SUV39H1: variants seen among roughly 807,000 people sequenced by gnomAD.
SUV39H1 encodes the protein histone-lysine N-methyltransferase SUV39H1.
For synonymous variants in SUV39H1, 141 were observed against 150.5 expected, an observed-to-expected ratio of 0.94 and a Z score of 0.46; for missense variants, 180 against 386.3, an observed-to-expected ratio of 0.47 and a Z score of 4.48.
At chrX:48,706,649 G>T (rs781827609) in intron 5 of SUV39H1, 22 bp downstream of exon 5, 3 of 1,186,691 alleles carry the variant, frequency 2.5e-6, no homozygotes, top group Non-Finnish European at 3.4e-6. Context: ...AAGGGACTGG[G>T]GGCAGGGGCG....
intron 3 of SUV39H1, among the ~76,000 whole-genome samples, chrX:48,702,730 T>C (rs1297210577): frequency 1.8e-5 from 2 of 110,889 alleles, no homozygotes; most frequent in African/African-American, 6.6e-5. Flanking sequence ...TCTTCCTTAG[T>C]GTCAGTGTCT....
At chrX:48,696,292 G>A (rs2062454508), upstream of SUV39H1, among the ~76,000 whole-genome samples, 1 of 112,631 alleles carries the variant, frequency 8.9e-6, no homozygotes, top group Non-Finnish European at 1.9e-5. Flanking sequence ...TGACTGCCCA[G>A]CAGTGTGGAT....
chrX:48,704,530 T>C (rs1445440266), intron 3 of SUV39H1, among the ~76,000 whole-genome samples: 1 of 111,382 alleles, frequency 9.0e-6, no homozygotes, highest in African/African-American at 3.3e-5. Context: ...CCCATCTGTT[T>C]GAGCTGATGC....
At chrX:48,696,037 C>T (rs2062453424), upstream of SUV39H1, among the ~76,000 whole-genome samples, 1 of 113,362 alleles carries the variant, frequency 8.8e-6, no homozygotes, top group Non-Finnish European at 1.9e-5. Flanking sequence ...ACAGTGACAG[C>T]TTGTCCCGAC....
At chrX:48,696,704 C>T, upstream of SUV39H1, 1 of 1,106,788 alleles carries the variant, frequency 9.0e-7, no homozygotes, top group Non-Finnish European at 1.2e-6. Context: ...GGCCAATAGG[C>T]TGCGCGTTCC....
chrX:48,700,867 G>A (rs1569494974), intron 3 of SUV39H1, 114 bp downstream of exon 3: 2 of 935,443 alleles, frequency 2.1e-6, no homozygotes, highest in Non-Finnish European at 3.0e-6. Context: ...TATGGGAAAG[G>A]CCTGGGAGAC....
rs781896040 is a variant in SUV39H1 at position 48,698,890 on chromosome X, C to G, written c.20-12C>G. 1 of 1,204,132 alleles carries G rather than the reference C, an allele frequency of 8.3e-7. No individual in the cohort carries two copies. Among genetic ancestry groups the G allele is most frequent in the Non-Finnish European group, 1.1e-6 (1 of 892,681 alleles). On this transcript the variant is annotated splice_polypyrimidine_tract_variant and intron_variant, in intron 1 of 5. Transcript: ENST00000376687. ...TGCCCAGTAATAGTTCTTTCTGCCC[C>G]GCTTGATCCAGGCTGCAGCGTGTGT...
In SUV39H1 at chrX:48,697,380, G is replaced by T. The variant is rs189891952; in HGVS notation, c.19+577G>T. On this transcript the variant is annotated intron_variant, in intron 1 of 5. Coordinates refer to ENST00000376687, the MANE Select transcript of SUV39H1 (RefSeq NM_003173.4). ...AGGGGTGACTCAGTTATGTTGGGGG[G>T]CCCCTCTATGTGACGAAAGCCGCAG... Among the ~76,000 whole-genome samples, 54 of 111,748 alleles carry T rather than the reference G, an allele frequency of 4.8e-4. 1 individual carries two copies. Among genetic ancestry groups the T allele is most frequent in the African/African-American group, 1.7e-3 (52 of 30,758 alleles).
chrX:48,707,697 T>C lies in SUV39H1; in HGVS notation c.*127T>C, dbSNP rs1602189130. ...GCCTCCACCTGCCCCCACCTGCTCCTACCTGCTCTACGTTCAGGGCTGTGG... is the reference window on the plus strand; with the variant it reads ...GCCTCCACCTGCCCCCACCTGCTCCCACCTGCTCTACGTTCAGGGCTGTGG... On this transcript the variant is annotated 3_prime_UTR_variant, in exon 6 of 6. Coordinates refer to ENST00000376687, the MANE Select transcript of SUV39H1 (RefSeq NM_003173.4). 4 of 856,509 alleles carry C rather than the reference T, an allele frequency of 4.7e-6. No individual in the cohort carries two copies. The highest frequency in any genetic ancestry group is 6.7e-6 in the Non-Finnish European group (4 of 593,000). The allele number at this position is 856,509 out of a possible 1,213,427, so 70.6% of individuals were successfully genotyped here. A position where few individuals can be genotyped will look rare whatever the true frequency, so the allele number is the denominator to read the frequency against.
chrX:48,700,059 G>GTA (rs1557009177), intron 2 of SUV39H1, 32 bp from the exon 3 acceptor site: 1 of 1,112,456 alleles, frequency 9.0e-7, no homozygotes, highest in African/African-American at 1.8e-5. Context: ...CACTACTTAC[G>GTA]GTACCCCCGT....
At chrX:48,706,666 G>T in intron 5 of SUV39H1, 39 bp downstream of exon 5, 1 of 1,167,853 alleles carries the variant, frequency 8.6e-7, no homozygotes, top group South Asian at 2.0e-5. Context: ...GGCGCACTGT[G>T]ACTTGGGACA....
At chrX:48,696,571 C>T (rs1371363439), upstream of SUV39H1, 6 of 371,717 alleles carry the variant, frequency 1.6e-5, no homozygotes, top group Non-Finnish European at 2.6e-5. Flanking sequence ...CTGCCGCCGC[C>T]GCCCAGACGC....
At chrX:48,702,375 G>A (rs2062477651) in intron 3 of SUV39H1, among the ~76,000 whole-genome samples, 1 of 111,939 alleles carries the variant, frequency 8.9e-6, no homozygotes, top group African/African-American at 3.3e-5. Flanking sequence ...GGAAAAAGAA[G>A]TGTCCTCACC....
At chrX:48,704,414 G>A (rs1308029077) in intron 3 of SUV39H1, among the ~76,000 whole-genome samples, 3 of 111,344 alleles carry the variant, frequency 2.7e-5, no homozygotes, top group Admixed American at 9.5e-5. Context: ...CACTAGGCCT[G>A]TGAGCCTGGG....
At position 48,696,777 on chromosome X, in the gene SUV39H1, G is replaced by C. The variant is rs1557008665; in HGVS notation, c.-8G>C. ...GCTAGGCCCGAATGTCGTTAGCCGT[G>C]GGGAAAGATGGCGGAAAATTTAAAA... is the stretch of plus-strand genomic sequence containing the variant. On this transcript the variant is annotated 5_prime_UTR_variant, in exon 1 of 6. Coordinates refer to ENST00000376687, the MANE Select transcript of SUV39H1 (RefSeq NM_003173.4). The C allele has an allele frequency of 9.7e-6, 11 of 1,139,375 alleles. No individual in the cohort carries two copies. Among genetic ancestry groups the C allele is most frequent in the South Asian group, 2.0e-5 (1 of 50,437 alleles). The allele number at this position is 1,139,375 out of a possible 1,213,427, so 93.9% of individuals were successfully genotyped here. A position where few individuals can be genotyped will look rare whatever the true frequency, so the allele number is the denominator to read the frequency against.
Position 48,706,605 on chromosome X carries a change from C to T in SUV39H1, c.1083C>T (p.Leu361=), listed in dbSNP as rs782043171. 8.3e-7 allele frequency: 1 copy of T among 1,207,069 alleles called. No homozygotes were observed. The highest frequency in any genetic ancestry group is 2.2e-5 in the Admixed American group (1 of 45,641). ...GAACCATCCGGGCAGGCGAGGAGCT[C>T]ACCTTTGATTACAACATGCAAGGTG... is the stretch of plus-strand genomic sequence containing the variant. ...ATRTIRAGEE[L]TFDYNMQVDP... The change falls in exon 5 of 6, where the codon CTC becomes CTT. Residue 361 remains leucine (L), a synonymous_variant. Coordinates refer to ENST00000376687, the MANE Select transcript of SUV39H1 (RefSeq NM_003173.4).
intron 3 of SUV39H1, among the ~76,000 whole-genome samples, chrX:48,705,826 G>A (rs2062489044): frequency 8.9e-6 from 1 of 111,933 alleles, no homozygotes; most frequent in African/African-American, 3.3e-5. Flanking sequence ...TCCTGCATGG[G>A]CTCAGGCTCC....
intron 5 of SUV39H1, 57 bp downstream of exon 5, chrX:48,706,684 C>T: frequency 8.8e-7 from 1 of 1,142,807 alleles, no homozygotes; most frequent in East Asian, 3.1e-5. Flanking sequence ...ACACAAGGAC[C>T]CCTCCCAAAG....
chrX:48,700,701 G>A lies in SUV39H1; in HGVS notation c.776G>A (p.Arg259His). Residue 259 changes from arginine (R) to histidine (H), a missense_variant, in exon 3 of 6, where the codon CGC becomes CAC. Coordinates refer to ENST00000376687, the MANE Select transcript of SUV39H1 (RefSeq NM_003173.4). ...GATGATGGGCGTGGCTGGGGCGTCC[G>A]CACCCTGGAGAAGATTCGCAAGAAC... ...RTDDGRGWGV[R>H]TLEKIRKNSF... is the part of the protein sequence containing the mutation. 1 of 1,211,448 alleles carries A rather than the reference G, an allele frequency of 8.3e-7. No individual in the cohort carries two copies. Among genetic ancestry groups the A allele is most frequent in the Non-Finnish European group, 1.1e-6 (1 of 895,215 alleles).
Sources: gnomAD v4.1 joint callset for allele counts (sites outside exome capture counted in the v4.1 genomes callset) on GRCh38, gnomAD v4.1.1 for gene constraint, MANE v1.5 for transcripts, NCBI Gene and HGNC (gene_info 2026-07-23, HGNC 2026-07-21) for gene names.